DOCK10: variants seen among roughly 807,000 people sequenced by gnomAD.
DOCK10 encodes dedicator of cytokinesis 10.
DOCK10 carries 145 observed loss-of-function variants against 280.1 expected under a neutral mutation model. That is an observed-to-expected ratio of 0.52 (90% confidence interval 0.45 to 0.59). The LOEUF (loss-of-function observed/expected upper bound fraction) is 0.59. Among genes scored for constraint, DOCK10 ranks in the 20% least tolerant of loss-of-function variants. The pLI is 0.00. For missense variants in DOCK10, 2,368 were observed against 2,651.7 expected (o/e 0.89, Z 2.35); for synonymous variants, 915 against 942.2 (o/e 0.97, Z 0.53).
intron 1 of DOCK10, among the ~76,000 whole-genome samples, chr2:224,960,730 C>CTTTTTTTTTTT (rs71281764): frequency 5.7e-5 from 4 of 70,258 alleles, no homozygotes; most frequent in African/African-American, 5.4e-5. Flanking sequence ...TCACCAAATT[C>CTTTTTTTTTTT]TTTTTTTTTT....
chr2:224,902,618 A>G (rs1214576268), intron 3 of DOCK10, among the ~76,000 whole-genome samples: 1 of 152,204 alleles, frequency 6.6e-6, no homozygotes, highest in Non-Finnish European at 1.5e-5. Context: ...GACCCTTAGA[A>G]CATGAGACTG....
intron 11 of DOCK10, among the ~76,000 whole-genome samples, chr2:224,867,771 T>A (rs567175238): frequency 7.2e-5 from 11 of 152,278 alleles, no homozygotes; most frequent in Non-Finnish European, 1.5e-4. Flanking sequence ...ATTAAGGAAG[T>A]ATGACCAAAG....
Position 224,931,496 on chromosome 2 carries a change from C to T in DOCK10, c.243+53G>A. ...CTGAATCTACAGGGAAAGACAATGA[C>T]CCAATGTGTAGGGCCCTCCTGAATC... On this transcript the variant is annotated intron_variant, in intron 2 of 55. Transcript: ENST00000258390. The T allele has an allele frequency of 3.2e-6, 5 of 1,542,974 alleles. No homozygotes were observed. In the South Asian group the frequency reaches 4.9e-5, roughly 15 times the overall value.
Position 224,830,619 on chromosome 2 carries a change from G to T in DOCK10, c.2965-7C>A. 6.8e-7 allele frequency: 1 copy of T among 1,462,066 alleles called. No individual in the cohort carries two copies. The highest frequency in any genetic ancestry group is 9.0e-7 in the Non-Finnish European group (1 of 1,105,378). 90.6% of individuals were successfully genotyped at this position (1,462,066 alleles called of 1,614,324 possible). Reference sequence around the variant, plus strand: ...CAAAGAAGAACCAGGAATGCTGTTGGGAAAAAAAAGGCAACGAGACATTTA... The same window carrying T: ...CAAAGAAGAACCAGGAATGCTGTTGTGAAAAAAAAGGCAACGAGACATTTA... On this transcript the variant is annotated splice_region_variant and splice_polypyrimidine_tract_variant and intron_variant, in intron 26 of 55. Coordinates refer to ENST00000258390, the MANE Select transcript of DOCK10 (RefSeq NM_014689.3).
At chr2:225,001,330 C>A (rs939077344) in intron 1 of DOCK10, among the ~76,000 whole-genome samples, 12 of 144,468 alleles carry the variant, frequency 8.3e-5, no homozygotes, top group Admixed American at 4.1e-4. Flanking sequence ...CGCTCTGCCA[C>A]CCAGGCTGGA....
chr2:224,825,603 G>T (rs947041658), intron 27 of DOCK10, among the ~76,000 whole-genome samples: 19 of 152,196 alleles, frequency 1.2e-4, no homozygotes, highest in Non-Finnish European at 2.2e-4. Context: ...ACATGCATAT[G>T]CATGAATGCC....
At chr2:224,928,821 G>C (rs1015456320) in intron 2 of DOCK10, among the ~76,000 whole-genome samples, 17 of 152,184 alleles carry the variant, frequency 1.1e-4, no homozygotes, top group Non-Finnish European at 2.2e-4. Flanking sequence ...TTTCCACACA[G>C]AGCCCAGATG....
chr2:224,810,649 A>T (rs1470330652), intron 31 of DOCK10, among the ~76,000 whole-genome samples: 2 of 91,514 alleles, frequency 2.2e-5, no homozygotes, highest in East Asian at 7.5e-4. Flanking sequence ...CCCACCCCAC[A>T]ACAGTCCCCA....
chr2:224,915,058 C>G (rs1553641), intron 3 of DOCK10, among the ~76,000 whole-genome samples: 85,454 of 151,998 alleles, frequency 0.56, 24,960 homozygotes, highest in Non-Finnish European at 0.64. Context: ...ATAAATTTTA[C>G]AACAAAGTTA....
chr2:224,770,901 T>C lies in DOCK10; in HGVS notation c.6205-256A>G, dbSNP rs1428556893. 1.3e-5 allele frequency among the ~76,000 whole-genome samples: 2 copies of C among 151,694 alleles called. No individual in the cohort carries two copies. ...AACCCCTTCACATTTTTTTTTTTTG[T>C]CATATCTGTACGTTGCTTGAACTAC... On this transcript the variant is annotated intron_variant, in intron 53 of 55. Transcript: ENST00000258390. The surrounding 1 kb of genome is among the most constrained non-coding windows in gnomAD (Gnocchi z 4.5).
chr2:224,923,740 C>T (rs1422346812), intron 2 of DOCK10, among the ~76,000 whole-genome samples: 3 of 152,240 alleles, frequency 2.0e-5, no homozygotes, highest in East Asian at 3.8e-4. Context: ...TCTGCCTCTC[C>T]AAAAGTCTTT....
chr2:224,938,872 C>T (rs1382516893), intron 1 of DOCK10, among the ~76,000 whole-genome samples: 1 of 152,180 alleles, frequency 6.6e-6, no homozygotes, highest in Non-Finnish European at 1.5e-5. Flanking sequence ...AATGTTTGAG[C>T]TTCTGAAAAC....
At chr2:224,855,191 G>C in intron 15 of DOCK10, 149 bp from the exon 16 acceptor site, 1 of 436,148 alleles carries the variant, frequency 2.3e-6, no homozygotes, top group Non-Finnish European at 3.9e-6. Context: ...ATAATCTTGT[G>C]AATGATTTTA....
intron 1 of DOCK10, among the ~76,000 whole-genome samples, chr2:225,002,753 T>C (rs1375241264): frequency 1.3e-5 from 2 of 151,514 alleles, no homozygotes; most frequent in African/African-American, 4.9e-5. Context: ...TGGAATGTTG[T>C]TGGATGCTCA....
intron 23 of DOCK10, among the ~76,000 whole-genome samples, chr2:224,840,857 C>T (rs1574918362): frequency 6.6e-6 from 1 of 152,094 alleles, no homozygotes; most frequent in Admixed American, 6.6e-5. Context: ...AGAATCAATC[C>T]AAGTGTCCAT....
intron 1 of DOCK10, among the ~76,000 whole-genome samples, chr2:224,976,631 T>A (rs1705455648): frequency 6.7e-6 from 1 of 149,734 alleles, no homozygotes. Flanking sequence ...CCAAGTTCCC[T>A]GGTATCTTGT....
intron 1 of DOCK10, among the ~76,000 whole-genome samples, chr2:224,968,772 C>G (rs928286866): frequency 6.6e-6 from 1 of 152,176 alleles, no homozygotes; most frequent in Non-Finnish European, 1.5e-5. Flanking sequence ...GAGTCTTTAT[C>G]CAGCTACATA....
intron 48 of DOCK10, among the ~76,000 whole-genome samples, chr2:224,788,516 T>A (rs1691908561): frequency 6.6e-6 from 1 of 152,220 alleles, no homozygotes. Flanking sequence ...ACTTTCTGTA[T>A]AATTTTTTCC....
At chr2:224,804,340 A>G in intron 38 of DOCK10, 127 bp from the exon 39 acceptor site, 1 of 573,506 alleles carries the variant, frequency 1.7e-6, no homozygotes, top group Non-Finnish European at 3.0e-6. Flanking sequence ...AATCAAAAAT[A>G]AAACCCTGTT....
Sources: allele counts gnomAD v4.1 joint callset (sites outside exome capture counted in the v4.1 genomes callset), GRCh38; gene constraint gnomAD v4.1.1; non-coding constraint Gnocchi (gnomAD v3.1); transcripts MANE v1.5; gene names NCBI Gene and HGNC (gene_info 2026-07-23, HGNC 2026-07-21).